The following SMARCC1 variants were observed in gnomAD, a reference collection of about 807,000 sequenced individuals.
SMARCC1 encodes SWI/SNF related BAF chromatin remodeling complex subunit C1.
SMARCC1 carries 43 observed loss-of-function variants against 147.4 expected under a neutral mutation model. The ratio of observed to expected loss-of-function variants is 0.29; its 90% CI spans 0.23 to 0.38. The LOEUF (loss-of-function observed/expected upper bound fraction) is 0.38. Among genes scored for constraint, SMARCC1 ranks in the 10% least tolerant of loss-of-function variants. The pLI is 1.00. For synonymous variants in SMARCC1, 495 were observed against 484.4 expected (o/e 1.02, Z -0.29); for missense variants, 1,119 against 1,381.1 (o/e 0.81, Z 3.01).
At position 47,745,919 on chromosome 3, in the gene SMARCC1, A is replaced by T; in HGVS notation, c.390T>A (p.Asn130Lys). The T allele has an allele frequency of 6.4e-7, 1 of 1,563,026 alleles. No individual in the cohort carries two copies. Among genetic ancestry groups the T allele is most frequent in the Non-Finnish European group, 8.6e-7 (1 of 1,161,022 alleles). ...HILGAAYKYK[N>K]EQGWRRFDLQ... ...ATACAAAAACTTACCATCCCTGTTC[A>T]TTTTTATACTTGTAAGCAGCCCCAA... Residue 130 changes from asparagine (N) to lysine (K), a missense_variant, in exon 3 of 28, where the codon AAT becomes AAA. By Grantham distance (94) the Asn-to-Lys change is moderately conservative. This residue lies in a region of SMARCC1 where 542 missense variants were observed against 611.8 expected (regional missense o/e 0.89). Coordinates refer to ENST00000254480, the MANE Select transcript of SMARCC1 (RefSeq NM_003074.4).
chr3:47,727,260 G>C (rs569230662), intron 6 of SMARCC1, among the ~76,000 whole-genome samples: 1 of 152,074 alleles, frequency 6.6e-6, no homozygotes, highest in South Asian at 2.1e-4. Context: ...TATAATCCCA[G>C]CACTTTGGGA....
At position 47,672,695 on chromosome 3, in the gene SMARCC1, T is replaced by C. The variant is rs530954343; in HGVS notation, c.1840-1978A>G. 2.0e-5 allele frequency among the ~76,000 whole-genome samples: 3 copies of C among 152,214 alleles called. No individual in the cohort carries two copies. In the South Asian group the frequency reaches 6.2e-4, roughly 32 times the overall value. ...TAGACACAGACATTTATAGGATAGG[T>C]CCTCAACAACCATTTCTCCACTTCT... On this transcript the variant is annotated intron_variant, in intron 18 of 27. Coordinates refer to ENST00000254480, the MANE Select transcript of SMARCC1 (RefSeq NM_003074.4).
intron 2 of SMARCC1, 84 bp downstream of exon 2, chr3:47,772,733 C>T (rs781651052): frequency 1.7e-6 from 2 of 1,207,864 alleles, no homozygotes; most frequent in Non-Finnish European, 2.3e-6. Context: ...ACGCTAGCAG[C>T]AGCAAAGGAA....
chr3:47,607,945 T>G (rs1022569548), intron 26 of SMARCC1, among the ~76,000 whole-genome samples: 3 of 152,148 alleles, frequency 2.0e-5, no homozygotes, highest in Admixed American at 6.5e-5. Context: ...ATTAAAAAAT[T>G]TATAATTTTA....
chr3:47,771,755 T>C (rs1440413784), intron 2 of SMARCC1, among the ~76,000 whole-genome samples: 1 of 150,836 alleles, frequency 6.6e-6, no homozygotes, highest in East Asian at 2.0e-4. Context: ...AAAAATAACA[T>C]GATATAATAT....
At chr3:47,637,665 T>C (rs1460445361) in intron 22 of SMARCC1, among the ~76,000 whole-genome samples, 2 of 151,916 alleles carry the variant, frequency 1.3e-5, no homozygotes, top group Non-Finnish European at 1.5e-5. Context: ...TGAGCCAAGA[T>C]TGCGTTGCTG....
intron 2 of SMARCC1, among the ~76,000 whole-genome samples, chr3:47,772,255 G>A (rs975995856): frequency 2.0e-5 from 3 of 152,130 alleles, no homozygotes; most frequent in East Asian, 1.9e-4. Context: ...CCATATGCGC[G>A]TGGTAGCACA....
intron 19 of SMARCC1, among the ~76,000 whole-genome samples, chr3:47,668,667 G>C (rs1369202515): frequency 2.0e-5 from 3 of 152,082 alleles, no homozygotes; most frequent in African/African-American, 7.2e-5. Flanking sequence ...TGGTATATTT[G>C]TTTAATAAAA....
At chr3:47,621,706 T>C (rs1041162051) in intron 25 of SMARCC1, among the ~76,000 whole-genome samples, 1 of 151,970 alleles carries the variant, frequency 6.6e-6, no homozygotes, top group Non-Finnish European at 1.5e-5. Flanking sequence ...TGGTACTATG[T>C]TAACTATTTG....
chr3:47,744,777 G>GA (rs1024980322), intron 3 of SMARCC1, among the ~76,000 whole-genome samples: 3 of 151,630 alleles, frequency 2.0e-5, no homozygotes, highest in South Asian at 2.1e-4. Flanking sequence ...GAGTTCAAGA[G>GA]AAAAAAAAGA....
intron 21 of SMARCC1, among the ~76,000 whole-genome samples, chr3:47,642,547 G>A (rs957165765): frequency 1.4e-4 from 21 of 151,942 alleles, no homozygotes; most frequent in East Asian, 9.7e-4. Context: ...CCGAGATTGC[G>A]CCACTGCACT....
intron 27 of SMARCC1, among the ~76,000 whole-genome samples, chr3:47,588,838 G>A (rs879423545): frequency 1.3e-5 from 2 of 151,928 alleles, no homozygotes; most frequent in African/African-American, 2.4e-5. Context: ...GGATAGTCCA[G>A]GGAGGCCTCC....
intron 5 of SMARCC1, among the ~76,000 whole-genome samples, chr3:47,735,740 C>T (rs1014947128): frequency 6.6e-5 from 10 of 152,130 alleles, no homozygotes; most frequent in South Asian, 2.1e-4. Context: ...GGCGACAGCG[C>T]GAGACTCTCT....
chr3:47,601,224 C>G (rs2032380679), intron 26 of SMARCC1, among the ~76,000 whole-genome samples: 2 of 151,504 alleles, frequency 1.3e-5, no homozygotes, highest in African/African-American at 4.8e-5. Context: ...CTCATTCTCT[C>G]TCAGGTTTAT....
chr3:47,701,432 C>T (rs1559648894), intron 10 of SMARCC1, 30 bp from the exon 11 acceptor site: 1 of 1,606,218 alleles, frequency 6.2e-7, no homozygotes. Context: ...GAAATATAAA[C>T]AAGACTGATT....
chr3:47,751,996 A>C (rs2034635191), intron 2 of SMARCC1, among the ~76,000 whole-genome samples: 1 of 152,154 alleles, frequency 6.6e-6, no homozygotes, highest in Non-Finnish European at 1.5e-5. Flanking sequence ...AGGCAGGAGA[A>C]TCACTTGAAC....
chr3:47,615,802 GC>G lies in SMARCC1; in HGVS notation c.2782-5476del, dbSNP rs373692314. Among the ~76,000 whole-genome samples the G allele has an allele frequency of 3.9e-5, 6 of 152,180 alleles. 1 individual carries two copies. The highest frequency in any genetic ancestry group is 1.4e-4 in the African/African-American group (6 of 41,488). On this transcript the variant is annotated intron_variant, in intron 25 of 27. Coordinates refer to ENST00000254480, the MANE Select transcript of SMARCC1 (RefSeq NM_003074.4). Reference sequence around the variant, plus strand: ...GGGTTCAAGTGATTCTCCTGCTTCAGCCTCCTGAATAGCTGGAATTACAGGT... The same window carrying G: ...GGGTTCAAGTGATTCTCCTGCTTCAGCTCCTGAATAGCTGGAATTACAGGT...
At chr3:47,686,281 G>C in intron 13 of SMARCC1, 111 bp from the exon 14 acceptor site, 1 of 837,702 alleles carries the variant, frequency 1.2e-6, no homozygotes, top group Non-Finnish European at 1.8e-6. Flanking sequence ...TCCCCGATTC[G>C]ATCAGATATT....
rs374953928 is a variant in SMARCC1 at position 47,668,843 on chromosome 3, C to T, written c.1899+1815G>A. Among the ~76,000 whole-genome samples, 3 of 150,846 alleles carry T rather than the reference C, an allele frequency of 2.0e-5. No individual in the cohort carries two copies. In the East Asian group the frequency reaches 5.8e-4, roughly 29 times the overall value. ...GAGGCTGCAGTGGACTGAGACTGCG[C>T]TACTGCACACTAGCATGGGGGAAGG... On this transcript the variant is annotated intron_variant, in intron 19 of 27. Transcript: ENST00000254480.
Sources: gnomAD v4.1 joint callset for allele counts (sites outside exome capture counted in the v4.1 genomes callset) on GRCh38, gnomAD v4.1.1 for gene constraint, gnomAD v4.1.1 regional missense constraint, MANE v1.5 for transcripts, NCBI Gene and HGNC (gene_info 2026-07-23, HGNC 2026-07-21) for gene names.